The following KCNK13 variants were observed in gnomAD, a reference collection of about 807,000 sequenced individuals.
KCNK13 encodes potassium two pore domain channel subfamily K member 13.
A neutral mutation model predicts 23.4 loss-of-function variants in KCNK13; 12 were observed. The ratio of observed to expected loss-of-function variants is 0.51; its 90% CI spans 0.33 to 0.83. The LOEUF (loss-of-function observed/expected upper bound fraction) is 0.83. Among genes scored for constraint, KCNK13 ranks in the 40% least tolerant of loss-of-function variants. The pLI is 0.02. For synonymous variants in KCNK13, 231 were observed against 229.5 expected, an observed-to-expected ratio of 1.01 and a Z score of -0.06; for missense variants, 463 against 556.3, an observed-to-expected ratio of 0.83 and a Z score of 1.69.
rs151196446 is a variant in KCNK13, at chr14:90,100,733, G to A, written c.334+38194G>A. Among the ~76,000 whole-genome samples, 1,262 of 152,208 alleles carry A rather than the reference G, an allele frequency of 8.3e-3. 8 individuals are homozygous for A. Among genetic ancestry groups the A allele is most frequent in the South Asian group, 0.027 (132 of 4,816 alleles). On this transcript the variant is annotated intron_variant, in intron 1 of 1. Coordinates refer to ENST00000282146, the MANE Select transcript of KCNK13 (RefSeq NM_022054.4). Reference sequence around the variant, plus strand: ...TTGGGACGGGGCCTTGCTTTGTCGCGCAGGCTGGAGTGCAGCGGTATGATC... The same window carrying A: ...TTGGGACGGGGCCTTGCTTTGTCGCACAGGCTGGAGTGCAGCGGTATGATC...
rs1394624411 is a variant in KCNK13 at position 90,184,613 on chromosome 14, C to G, written c.837C>G (p.Ile279Met). 1 of 1,614,148 alleles carries G rather than the reference C, an allele frequency of 6.2e-7. No homozygotes were observed. Among genetic ancestry groups the G allele is most frequent in the African/African-American group, 1.3e-5 (1 of 74,956 alleles). The change falls in exon 2 of 2, where the codon ATC becomes ATG. Residue 279 changes from isoleucine (I) to methionine (M), a missense_variant. Ile to Met is a conservative substitution (Grantham distance 10). Around this residue, in one of 3 missense-constraint regions of KCNK13, gnomAD observed 166 missense variants for 178.8 expected, o/e 0.93. Coordinates refer to ENST00000282146, the MANE Select transcript of KCNK13 (RefSeq NM_022054.4). This position sits in a 1 kb window ranked among gnomAD's most constrained non-coding sequence, Gnocchi z 5.6. Reference protein sequence around the residue: ...VCCIYSLFNVISILIKQSLNW... With the variant: ...VCCIYSLFNVMSILIKQSLNW... ...GCATCTACTCCTTGTTCAATGTCAT[C>G]TCTATCCTCATCAAACAGTCCTTGA...
intron 1 of KCNK13, among the ~76,000 whole-genome samples, chr14:90,103,708 T>A (rs1225727004): frequency 2.4e-4 from 36 of 151,952 alleles, no homozygotes; most frequent in Non-Finnish European, 4.7e-4. Flanking sequence ...GATTATAGGC[T>A]CCCACTACCT....
chr14:90,100,092 G>A (rs1406501202), intron 1 of KCNK13, among the ~76,000 whole-genome samples: 1 of 152,162 alleles, frequency 6.6e-6, no homozygotes, highest in African/African-American at 2.4e-5. Context: ...TCTGTGTTAG[G>A]AAGTACCGAG....
intron 1 of KCNK13, among the ~76,000 whole-genome samples, chr14:90,123,995 C>T (rs1889768336): frequency 6.6e-6 from 1 of 152,152 alleles, no homozygotes; most frequent in African/African-American, 2.4e-5. Flanking sequence ...GTAAAAGCTC[C>T]TTGCTGATTC....
At position 90,147,180 on chromosome 14, in the gene KCNK13, G is replaced by A. The variant is rs1228763417; in HGVS notation, c.335-36931G>A. Among the ~76,000 whole-genome samples the A allele has an allele frequency of 2.6e-5, 4 of 152,128 alleles. 1 individual carries two copies. The highest frequency in any genetic ancestry group is 4.4e-5 in the Non-Finnish European group (3 of 68,026). ...ATTGTTTTAGTTGTTTAAGAAAGGA[G>A]GGTATATCTAGTTCCTGTTATTCTA... On this transcript the variant is annotated intron_variant, in intron 1 of 1. Coordinates refer to ENST00000282146, the MANE Select transcript of KCNK13 (RefSeq NM_022054.4).
chr14:90,144,260 C>T (rs899921451), intron 1 of KCNK13, among the ~76,000 whole-genome samples: 4 of 152,094 alleles, frequency 2.6e-5, no homozygotes, highest in African/African-American at 9.7e-5. Flanking sequence ...GTGTACTGGT[C>T]TTGTACATCT....
chr14:90,140,359 G>A (rs554528122), intron 1 of KCNK13, among the ~76,000 whole-genome samples: 35 of 152,110 alleles, frequency 2.3e-4, no homozygotes, highest in Admixed American at 1.2e-3. Context: ...AAACATTCTG[G>A]TTCTTGAAGA....
At chr14:90,127,660 A>G (rs1281283965) in intron 1 of KCNK13, among the ~76,000 whole-genome samples, 1 of 151,366 alleles carries the variant, frequency 6.6e-6, no homozygotes. Flanking sequence ...AAAAAAAAAA[A>G]AAGAAAAAAT....
chr14:90,141,522 A>G (rs992845484), intron 1 of KCNK13, among the ~76,000 whole-genome samples: 46 of 151,886 alleles, frequency 3.0e-4, no homozygotes, highest in Admixed American at 2.6e-4. Flanking sequence ...AAATGGCACG[A>G]TCTTGGCTCA....
intron 1 of KCNK13, among the ~76,000 whole-genome samples, chr14:90,177,664 G>T (rs1566653045): frequency 6.6e-6 from 1 of 152,194 alleles, no homozygotes; most frequent in Non-Finnish European, 1.5e-5. Context: ...ACACTGGTGT[G>T]TGAAGGAGTG....
intron 1 of KCNK13, among the ~76,000 whole-genome samples, chr14:90,110,828 G>A (rs1889607675): frequency 6.6e-6 from 1 of 152,000 alleles, no homozygotes; most frequent in Non-Finnish European, 1.5e-5. Context: ...GGCCAACATG[G>A]TGAAACCCCG....
intron 1 of KCNK13, among the ~76,000 whole-genome samples, chr14:90,166,564 G>C: frequency 6.6e-6 from 1 of 152,134 alleles, no homozygotes; most frequent in African/African-American, 2.4e-5. Flanking sequence ...AAATTAGCCA[G>C]ACGTGGTGGC....
intron 1 of KCNK13, among the ~76,000 whole-genome samples, chr14:90,149,458 T>A (rs973133664): frequency 6.6e-6 from 1 of 152,216 alleles, no homozygotes; most frequent in African/African-American, 2.4e-5. Context: ...CAAAGGCACA[T>A]CTTACATGGT....
chr14:90,116,544 C>G (rs888995690), intron 1 of KCNK13, among the ~76,000 whole-genome samples: 1 of 152,232 alleles, frequency 6.6e-6, no homozygotes, highest in Admixed American at 6.5e-5. Context: ...AGCCTGTAAG[C>G]AGCAGGCCCC....
intron 1 of KCNK13, among the ~76,000 whole-genome samples, chr14:90,147,885 T>C (rs1249537336): frequency 2.0e-5 from 3 of 152,176 alleles, no homozygotes; most frequent in African/African-American, 4.8e-5. Context: ...CTTATGTTTA[T>C]AGGAGCCGGG....
chr14:90,144,438 T>C (rs926511635), intron 1 of KCNK13, among the ~76,000 whole-genome samples: 1 of 152,064 alleles, frequency 6.6e-6, no homozygotes, highest in Non-Finnish European at 1.5e-5. Flanking sequence ...CTAGATTCCA[T>C]TGAATTGTTT....
At chr14:90,083,371 C>G (rs138943303) in intron 1 of KCNK13, among the ~76,000 whole-genome samples, 1 of 152,206 alleles carries the variant, frequency 6.6e-6, no homozygotes, top group African/African-American at 2.4e-5. Context: ...AAGATTTATA[C>G]TTATGTTTTC....
intron 1 of KCNK13, among the ~76,000 whole-genome samples, chr14:90,140,244 TC>T (rs1889989684): frequency 6.6e-6 from 1 of 152,110 alleles, no homozygotes; most frequent in Non-Finnish European, 1.5e-5. Context: ...CATGCAAGGC[TC>T]CTTAAATTCA....
intron 1 of KCNK13, among the ~76,000 whole-genome samples, chr14:90,075,441 C>G (rs1192794365): frequency 6.6e-6 from 1 of 152,088 alleles, no homozygotes; most frequent in East Asian, 1.9e-4. Context: ...CATCTTTTAA[C>G]TGAGAGCCCA....
Sources: gnomAD v4.1 joint callset for allele counts (sites outside exome capture counted in the v4.1 genomes callset) on GRCh38, gnomAD v4.1.1 for gene constraint, gnomAD v4.1.1 regional missense constraint, Gnocchi (gnomAD v3.1) non-coding constraint, MANE v1.5 for transcripts, NCBI Gene and HGNC (gene_info 2026-07-23, HGNC 2026-07-21) for gene names.